DNMBP: variants seen among roughly 807,000 people sequenced by gnomAD.
DNMBP encodes dynamin-binding protein.
In DNMBP, 87 loss-of-function variants were observed where a neutral mutation model predicts 150.0. The ratio of observed to expected loss-of-function variants is 0.58; its 90% CI spans 0.49 to 0.69. The LOEUF (loss-of-function observed/expected upper bound fraction) is 0.69. Among genes scored for constraint, DNMBP ranks in the 30% least tolerant of loss-of-function variants. DNMBP has a pLI of 0.00. For synonymous variants in DNMBP, 711 were observed against 750.4 expected, an observed-to-expected ratio of 0.95 and a Z score of 0.86; for missense variants, 1,774 against 1,949.0, an observed-to-expected ratio of 0.91 and a Z score of 1.69.
intron 1 of DNMBP, among the ~76,000 whole-genome samples, chr10:100,000,350 C>T (rs74152907): frequency 0.012 from 1,802 of 152,190 alleles, 29 homozygotes; most frequent in African/African-American, 0.042. Context: ...AGAGAATCAC[C>T]TCATGAAAAC....
At chr10:99,937,257 G>A (rs1254239274) in intron 4 of DNMBP, among the ~76,000 whole-genome samples, 1 of 151,922 alleles carries the variant, frequency 6.6e-6, no homozygotes, top group African/African-American at 2.4e-5. Flanking sequence ...ACTTGTTCTG[G>A]TCCCTTGTAC....
chr10:99,936,515 CTTTT>C (rs34804787), intron 4 of DNMBP, among the ~76,000 whole-genome samples: 7 of 134,328 alleles, frequency 5.2e-5, no homozygotes, highest in Admixed American at 7.5e-5. Context: ...TTTCTTTTTT[CTTTT>C]TTTTTTTTTT....
intron 6 of DNMBP, among the ~76,000 whole-genome samples, chr10:99,906,385 G>A (rs1312186836): frequency 6.6e-6 from 1 of 152,168 alleles, no homozygotes. Flanking sequence ...TGTCATGGCT[G>A]GAACTGGGGT....
chr10:99,929,930 T>C, intron 4 of DNMBP: 1 of 702,984 alleles, frequency 1.4e-6, no homozygotes, highest in South Asian at 1.5e-5. Context: ...AATTACGAGA[T>C]TTATATGCAC....
intron 4 of DNMBP, among the ~76,000 whole-genome samples, chr10:99,953,604 G>A (rs897382459): frequency 3.3e-5 from 5 of 152,192 alleles, no homozygotes; most frequent in Admixed American, 2.6e-4. Context: ...TGGATCACTC[G>A]AGGTCAGGAG....
chr10:100,005,130 A>G (rs1455298693), intron 1 of DNMBP, among the ~76,000 whole-genome samples: 1 of 152,198 alleles, frequency 6.6e-6, no homozygotes, highest in African/African-American at 2.4e-5. Flanking sequence ...ATGAGGATAC[A>G]GGAGTCCTCA....
chr10:99,956,222 C>T lies in DNMBP; in HGVS notation c.1252G>A (p.Val418Ile). 1.2e-6 allele frequency: 2 copies of T among 1,613,722 alleles called. No homozygotes were observed. Among genetic ancestry groups the T allele is most frequent in the Non-Finnish European group, 1.7e-6 (2 of 1,179,984 alleles). Residue 418 changes from valine (V) to isoleucine (I), a missense_variant, in exon 4 of 17, where the codon GTC (valine) becomes ATC (isoleucine). Physicochemically the swap from Val to Ile is conservative, Grantham distance 29 (BLOSUM62 3). Around this residue, in one of 2 missense-constraint regions of DNMBP, gnomAD observed 1,430 missense variants for 1,492.5 expected, o/e 0.96. Transcript: ENST00000324109. Reference sequence around the variant, plus strand: ...TTCTGCAAGTTGGGATGAAAAGGGACCTGAGGTTGGGAGGAAATACCATTG... The same window carrying T: ...TTCTGCAAGTTGGGATGAAAAGGGATCTGAGGTTGGGAGGAAATACCATTG... ...VVNGISSQPQ[V>I]PFHPNLQKSQ... is the part of the protein sequence containing the mutation.
chr10:99,949,256 T>C (rs570392399), intron 4 of DNMBP, among the ~76,000 whole-genome samples: 43 of 152,276 alleles, frequency 2.8e-4, no homozygotes, highest in Non-Finnish European at 5.3e-4. Flanking sequence ...CTACTATGTA[T>C]AGAACATCAT....
At chr10:99,892,256 G>A (rs2039583944) in intron 11 of DNMBP, among the ~76,000 whole-genome samples, 1 of 150,212 alleles carries the variant, frequency 6.7e-6, no homozygotes, top group Non-Finnish European at 1.5e-5. Flanking sequence ...TCTGGGAGGT[G>A]TGCCCAACAG....
At position 99,896,933 on chromosome 10, in the gene DNMBP, G is replaced by A. The variant is rs12254114; in HGVS notation, c.2921-536C>T. Among the ~76,000 whole-genome samples the A allele has an allele frequency of 5.7e-3, 875 of 152,268 alleles. 7 individuals are homozygous for A. Among genetic ancestry groups the A allele is most frequent in the African/African-American group, 0.02 (823 of 41,546 alleles). On this transcript the variant is annotated intron_variant, in intron 9 of 16. Transcript: ENST00000324109. ...GGGGAAGACTGGGAGGCAGCAAAAA[G>A]GTATACCTGGTTGTAGAAGTTGGAG...
intron 4 of DNMBP, among the ~76,000 whole-genome samples, chr10:99,919,919 A>G (rs1440148090): frequency 6.6e-6 from 1 of 152,254 alleles, no homozygotes; most frequent in Non-Finnish European, 1.5e-5. Context: ...CTTTAAAGTT[A>G]GTTCCATTTG....
chr10:99,879,404 G>A (rs141395788), intron 16 of DNMBP, among the ~76,000 whole-genome samples: 1 of 152,132 alleles, frequency 6.6e-6, no homozygotes, highest in African/African-American at 2.4e-5. Context: ...TTGAGAGGTG[G>A]AGGTTGCAGT....
chr10:99,895,700 C>G (rs1384034072), intron 10 of DNMBP, among the ~76,000 whole-genome samples: 2 of 152,190 alleles, frequency 1.3e-5, no homozygotes, highest in African/African-American at 4.8e-5. Flanking sequence ...TGCCTGCCCC[C>G]TTCCTATAAG....
intron 4 of DNMBP, among the ~76,000 whole-genome samples, chr10:99,915,252 TG>T (rs1221735478): frequency 6.6e-6 from 1 of 150,458 alleles, no homozygotes; most frequent in Non-Finnish European, 1.5e-5. Context: ...TATAAAATTA[TG>T]TAAGTGTAGA....
chr10:99,881,800 A>G (rs1431225157), intron 15 of DNMBP, among the ~76,000 whole-genome samples: 13 of 152,004 alleles, frequency 8.6e-5, no homozygotes, highest in Non-Finnish European at 2.9e-5. Flanking sequence ...AAGTGGGGAG[A>G]AAAAAAATCC....
intron 4 of DNMBP, among the ~76,000 whole-genome samples, chr10:99,916,994 C>CT (rs1279170650): frequency 2.0e-5 from 3 of 151,618 alleles, no homozygotes; most frequent in Non-Finnish European, 4.4e-5. Flanking sequence ...GAGTGAGACT[C>CT]TGTCTCAATA....
intron 7 of DNMBP, 91 bp from the exon 8 acceptor site, chr10:99,898,851 G>A: frequency 1.1e-5 from 14 of 1,256,676 alleles, no homozygotes; most frequent in Admixed American, 3.9e-5. Context: ...AAATCATGTG[G>A]GACAAAAAAT....
chr10:99,955,894 G>C lies in DNMBP; in HGVS notation c.1580C>G (p.Pro527Arg). The C allele has an allele frequency of 6.2e-7, 1 of 1,614,156 alleles. No individual in the cohort carries two copies. The highest frequency in any genetic ancestry group is 8.5e-7 in the Non-Finnish European group (1 of 1,180,036). The change falls in exon 4 of 17, where the codon CCG (proline) becomes CGG (arginine). Residue 527 changes from proline (P) to arginine (R), a missense_variant. Pro to Arg is a moderately radical substitution (Grantham distance 103). Coordinates refer to ENST00000324109, the MANE Select transcript of DNMBP (RefSeq NM_015221.4). ...TTCCATAACAAGCCCTTGGGCTTGC[G>C]GACCAGGCTTCATCTCCAATCTCTC... ...ISERLEMKPG[P>R]QAQGLVMEAA...
rs560357563 is a variant in DNMBP at position 99,891,479 on chromosome 10, A to G, written c.3157-2526T>C. 5.7e-3 allele frequency among the ~76,000 whole-genome samples: 869 copies of G among 151,986 alleles called. 1 individual carries two copies. Among genetic ancestry groups the G allele is most frequent in the Non-Finnish European group, 9.5e-3 (645 of 67,968 alleles). On this transcript the variant is annotated intron_variant, in intron 11 of 16. Transcript: ENST00000324109. ...CGGAGTCTCGTTCACTCAGTGCTCA[A>G]TGGTGCCCAGGCTGGAGTGCAGTGG...
Sources: allele counts gnomAD v4.1 joint callset (sites outside exome capture counted in the v4.1 genomes callset), GRCh38; gene constraint gnomAD v4.1.1; regional missense constraint gnomAD v4.1.1; transcripts MANE v1.5; gene names NCBI Gene and HGNC (gene_info 2026-07-23, HGNC 2026-07-21).